IQGAP2: variants seen among roughly 807,000 people sequenced by gnomAD.
IQGAP2 encodes IQ motif containing GTPase activating protein 2, also known as ras GTPase-activating-like protein IQGAP2.
In IQGAP2, 173 loss-of-function variants were observed where a neutral mutation model predicts 201.3. The observed-to-expected ratio is 0.86, with a 90% CI of 0.76 to 0.98. The LOEUF is 0.98. IQGAP2 is among the 50% of genes least tolerant of loss of function. The pLI is 0.00. For synonymous variants in IQGAP2, 675 were observed against 673.9 expected, an observed-to-expected ratio of 1.00 and a Z score of -0.03; for missense variants, 1,687 against 1,864.8, an observed-to-expected ratio of 0.90 and a Z score of 1.76.
intron 2 of IQGAP2, among the ~76,000 whole-genome samples, chr5:76,509,984 C>CTTTTTTTTTTTTTTTTTTTTTT (rs11331690): frequency 7.2e-6 from 1 of 138,052 alleles, no homozygotes; most frequent in Non-Finnish European, 1.6e-5. Flanking sequence ...AATTTTCTTT[C>CTTTTTTTTTTTTTTTTTTTTTT]TTTTTTTTTT....
rs1561518620 is a variant in IQGAP2, at chr5:76,619,514, C to CCTTTTTTT, written c.1522-7896_1522-7895insCTTTTTTT. On this transcript the variant is annotated intron_variant, in intron 13 of 35. Coordinates refer to ENST00000274364, the MANE Select transcript of IQGAP2 (RefSeq NM_006633.5). ...CAGATCTAACTTAGTTAAGGATCTT[C>CCTTTTTTT]TTTTTTTTTTTTTTTTTTTTTTGAG... 4.8e-5 allele frequency among the ~76,000 whole-genome samples: 5 copies of CCTTTTTTT among 104,266 alleles called. 1 individual carries two copies. The highest frequency in any genetic ancestry group is 1.9e-5 in the Non-Finnish European group (1 of 52,746). 68.4% of individuals were successfully genotyped at this position (104,266 alleles called of 152,430 possible).
chr5:76,667,270 G>A (rs1051652339), intron 22 of IQGAP2, among the ~76,000 whole-genome samples: 6 of 152,128 alleles, frequency 3.9e-5, no homozygotes, highest in African/African-American at 1.2e-4. Context: ...GTACTGAGCT[G>A]CTTATTTATA....
intron 17 of IQGAP2, among the ~76,000 whole-genome samples, chr5:76,644,294 C>CTTTTTTTTTTTTTTTTTTTTTTT (rs1751838007): frequency 4.1e-5 from 1 of 24,662 alleles, no homozygotes; most frequent in African/African-American, 1.2e-4. Context: ...TTTTGTAAAT[C>CTTTTTTTTTTTTTTTTTTTTTTT]CTTTTTTTTT....
At chr5:76,599,983 A>G (rs1433114319) in intron 10 of IQGAP2, among the ~76,000 whole-genome samples, 1 of 152,322 alleles carries the variant, frequency 6.6e-6, no homozygotes, top group East Asian at 1.9e-4. Flanking sequence ...ATTTTAAATC[A>G]TATAAACCTG....
At chr5:76,424,968 C>T (rs1751917009) in intron 1 of IQGAP2, among the ~76,000 whole-genome samples, 1 of 152,204 alleles carries the variant, frequency 6.6e-6, no homozygotes, top group Non-Finnish European at 1.5e-5. Context: ...TGCATGCATG[C>T]ACGCAGGATT....
chr5:76,592,833 T>G lies in IQGAP2; in HGVS notation c.820-5T>G. On this transcript the variant is annotated splice_region_variant and splice_polypyrimidine_tract_variant and intron_variant, in intron 8 of 35. Transcript: ENST00000274364. ...TCAGAAATCAGTGAAGACTTTGTTT[T>G]GCAGAATAGCTGTATTTCAGAAGAA... 1.9e-6 allele frequency: 3 copies of G among 1,585,728 alleles called. No homozygotes were observed. The highest frequency in any genetic ancestry group is 2.6e-6 in the Non-Finnish European group (3 of 1,155,886).
intron 17 of IQGAP2, among the ~76,000 whole-genome samples, chr5:76,650,056 T>C (rs934376380): frequency 1.6e-4 from 24 of 152,354 alleles, no homozygotes; most frequent in Middle Eastern, 3.4e-3. Context: ...CCCAAGGCTG[T>C]GCAGTGCATC....
intron 1 of IQGAP2, among the ~76,000 whole-genome samples, chr5:76,457,619 A>G (rs890354818): frequency 6.6e-6 from 1 of 152,198 alleles, no homozygotes; most frequent in African/African-American, 2.4e-5. Context: ...GGTAGCAGGT[A>G]GAGAATAGGG....
At chr5:76,495,369 A>G (rs536293654) in intron 2 of IQGAP2, among the ~76,000 whole-genome samples, 12 of 152,244 alleles carry the variant, frequency 7.9e-5, no homozygotes, top group African/African-American at 2.6e-4. Flanking sequence ...ATCATGATCA[A>G]TTTGGTCTAT....
At chr5:76,525,410 C>T (rs1248544658) in intron 2 of IQGAP2, among the ~76,000 whole-genome samples, 1 of 152,032 alleles carries the variant, frequency 6.6e-6, no homozygotes, top group Non-Finnish European at 1.5e-5. Context: ...TTTATAAGAA[C>T]TGCTTAATAG....
chr5:76,588,316 G>A (rs1450980401), intron 5 of IQGAP2, among the ~76,000 whole-genome samples: 1 of 152,160 alleles, frequency 6.6e-6, no homozygotes, highest in East Asian at 1.9e-4. Flanking sequence ...GTTAATGGAT[G>A]CCATCATTAC....
At chr5:76,437,627 T>C (rs1255735298) in intron 1 of IQGAP2, among the ~76,000 whole-genome samples, 2 of 152,164 alleles carry the variant, frequency 1.3e-5, no homozygotes, top group Non-Finnish European at 2.9e-5. Flanking sequence ...ACGTGTGGTG[T>C]TTGGTTTTTT....
rs760432389 is a variant in IQGAP2, at chr5:76,580,832, CA to C, written c.458+5064del. ...TTATTTCTGCTTTGAGATGTGGAACCACCACTCTCTAGGGATTCCTCTTAAA... is the reference window on the plus strand; with the variant it reads ...TTATTTCTGCTTTGAGATGTGGAACCCCACTCTCTAGGGATTCCTCTTAAA... On this transcript the variant is annotated intron_variant, in intron 5 of 35. Coordinates refer to ENST00000274364, the MANE Select transcript of IQGAP2 (RefSeq NM_006633.5). 3.9e-5 allele frequency among the ~76,000 whole-genome samples: 6 copies of C among 152,176 alleles called. 1 individual carries two copies. Among genetic ancestry groups the C allele is most frequent in the Admixed American group, 3.9e-4 (6 of 15,282 alleles).
intron 2 of IQGAP2, among the ~76,000 whole-genome samples, chr5:76,485,085 G>A: frequency 6.6e-6 from 1 of 152,184 alleles, no homozygotes; most frequent in East Asian, 1.9e-4. Context: ...GCCTCCCAAA[G>A]TGCTGGGAGG....
At chr5:76,453,571 T>C (rs969525196) in intron 1 of IQGAP2, among the ~76,000 whole-genome samples, 4 of 152,116 alleles carry the variant, frequency 2.6e-5, no homozygotes, top group Admixed American at 1.3e-4. Context: ...CTATTTGGGG[T>C]GGTTTTTGTG....
chr5:76,693,032 CT>C, intron 30 of IQGAP2, among the ~76,000 whole-genome samples: 1 of 152,324 alleles, frequency 6.6e-6, no homozygotes. Flanking sequence ...CTTGCTCCCC[CT>C]GCCCATCAAA....
Position 76,562,632 on chromosome 5 carries a change from T to C in IQGAP2, c.303+80T>C, listed in dbSNP as rs1329308640. 4.7e-6 allele frequency: 6 copies of C among 1,285,734 alleles called. No homozygotes were observed. The South Asian group carries it at 5.4e-5, about 12-fold the overall frequency. The allele number at this position is 1,285,734 out of a possible 1,614,324, so 79.6% of individuals were successfully genotyped here. A position where few individuals can be genotyped will look rare whatever the true frequency, so the allele number is the denominator to read the frequency against. The stretch of plus-strand genomic sequence containing the variant: ...TCATATCCTCTCCCTTCTTTTACTC[T>C]TAGTGTTTCTGTAAGGATTTGGGGG... On this transcript the variant is annotated intron_variant, in intron 3 of 35. Transcript: ENST00000274364.
chr5:76,420,374 C>CTT (rs36086215), intron 1 of IQGAP2, among the ~76,000 whole-genome samples: 22 of 122,134 alleles, frequency 1.8e-4, no homozygotes, highest in Admixed American at 2.7e-4. Flanking sequence ...ATCTTTGGAA[C>CTT]TTTTTTTTTT....
intron 2 of IQGAP2, among the ~76,000 whole-genome samples, chr5:76,512,228 G>A (rs1230388800): frequency 6.6e-6 from 1 of 152,202 alleles, no homozygotes; most frequent in Non-Finnish European, 1.5e-5. Context: ...TATTAAAGAA[G>A]AGGGTCCAGA....
Sources: gnomAD v4.1 joint callset for allele counts (sites outside exome capture counted in the v4.1 genomes callset) on GRCh38, gnomAD v4.1.1 for gene constraint, MANE v1.5 for transcripts, NCBI Gene and HGNC (gene_info 2026-07-23, HGNC 2026-07-21) for gene names.